Variants in PTPN21 observed in about 807,000 individuals in gnomAD.
PTPN21 encodes tyrosine-protein phosphatase non-receptor type 21.
PTPN21 carries 77 observed loss-of-function variants against 131.8 expected under a neutral mutation model. That is an observed-to-expected ratio of 0.58 (90% CI 0.49 to 0.71). The LOEUF (loss-of-function observed/expected upper bound fraction) is 0.71. Among genes scored for constraint, PTPN21 ranks in the 30% least tolerant of loss-of-function variants. The probability of loss-of-function intolerance (pLI) is 0.00; values close to 1 mark genes in which losing one functional copy is unlikely to be tolerated. For missense variants in PTPN21, 1,552 were observed against 1,527.1 expected (o/e 1.02, Z -0.27); for synonymous variants, 715 against 621.3 (o/e 1.15, Z -2.24).
chr14:88,542,503 A>G (rs530177417), intron 2 of PTPN21, among the ~76,000 whole-genome samples: 37 of 152,310 alleles, frequency 2.4e-4, no homozygotes, highest in African/African-American at 8.2e-4. Flanking sequence ...ATCTCAAGGG[A>G]AAAATCCAAT....
Position 88,469,109 on chromosome 14 carries a change from A to G in PTPN21, c.3236-33T>C, listed in dbSNP as rs1354073754. 6.3e-7 allele frequency: 1 copy of G among 1,590,280 alleles called. No individual in the cohort carries two copies. Among genetic ancestry groups the G allele is most frequent in the Admixed American group, 1.7e-5 (1 of 58,952 alleles). On this transcript the variant is annotated intron_variant, in intron 17 of 18. Transcript: ENST00000556564. The surrounding 1 kb of genome is among the most constrained non-coding windows in gnomAD (Gnocchi z 4.3). Reference sequence around the variant, plus strand: ...AAATCAATGAAATAGAAAAGTACTCAAGGATCAAGGCGTATCACATTGTTG... The same window carrying G: ...AAATCAATGAAATAGAAAAGTACTCGAGGATCAAGGCGTATCACATTGTTG...
chr14:88,552,766 C>T (rs1053337816), intron 1 of PTPN21, among the ~76,000 whole-genome samples: 1 of 152,066 alleles, frequency 6.6e-6, no homozygotes, highest in African/African-American at 2.4e-5. Flanking sequence ...TTTGCTGTTT[C>T]AGGGGTATAA....
chr14:88,505,567 A>G (rs2078075485), intron 4 of PTPN21, among the ~76,000 whole-genome samples, 196 bp from the exon 5 acceptor site: 4 of 152,200 alleles, frequency 2.6e-5, no homozygotes, highest in Admixed American at 1.3e-4. Flanking sequence ...CTTGGCTTGG[A>G]AAAATGCCTA....
chr14:88,539,958 C>T (rs1403598089), intron 2 of PTPN21, among the ~76,000 whole-genome samples: 6 of 152,124 alleles, frequency 3.9e-5, no homozygotes, highest in Non-Finnish European at 8.8e-5. Flanking sequence ...ATGCAAGTGT[C>T]TACATATTAT....
chr14:88,471,251 A>G (rs904668746), intron 15 of PTPN21, among the ~76,000 whole-genome samples: 10 of 152,100 alleles, frequency 6.6e-5, no homozygotes, highest in African/African-American at 1.9e-4. Flanking sequence ...AAAAACCACC[A>G]CCTGTCCACA....
Position 88,497,261 on chromosome 14 carries a change from T to G in PTPN21, c.794A>C (p.Asn265Thr), listed in dbSNP as rs751064910. 6.2e-7 allele frequency: 1 copy of G among 1,613,564 alleles called. No individual in the cohort carries two copies. The highest frequency in any genetic ancestry group is 8.5e-7 in the Non-Finnish European group (1 of 1,179,590). Residue 265 changes from asparagine (N) to threonine (T), a missense_variant, in exon 9 of 19, where the codon AAC (asparagine) becomes ACC (threonine). This residue lies in a region of PTPN21 where 1,016 missense variants were observed against 883.5 expected (regional missense o/e 1.15). Transcript: ENST00000556564. ...RWHDIANMSHNKSFFALELAN... is the reference protein window; with the variant it reads ...RWHDIANMSHTKSFFALELAN... ...CAGCTCTAATGCAAAAAAGGACTTG[T>G]TGTGGGACATGTTGGCAATGTCATG...
At chr14:88,532,211 A>C (rs1481960637) in intron 2 of PTPN21, among the ~76,000 whole-genome samples, 1 of 152,234 alleles carries the variant, frequency 6.6e-6, no homozygotes, top group African/African-American at 2.4e-5. Context: ...AATCCTACTG[A>C]AACTATTCCA....
intron 2 of PTPN21, among the ~76,000 whole-genome samples, chr14:88,539,397 G>C (rs929243068): frequency 1.2e-4 from 18 of 151,948 alleles, no homozygotes; most frequent in Non-Finnish European, 2.9e-5. Context: ...TTACAGGCAT[G>C]CACCACCATG....
chr14:88,531,747 C>G (rs1238243375), intron 2 of PTPN21, among the ~76,000 whole-genome samples: 1 of 151,744 alleles, frequency 6.6e-6, no homozygotes, highest in African/African-American at 2.4e-5. Context: ...CCAAACCCAG[C>G]AGAAAAAAAG....
intron 2 of PTPN21, among the ~76,000 whole-genome samples, chr14:88,542,716 T>C (rs540534756): frequency 6.6e-6 from 1 of 152,230 alleles, no homozygotes; most frequent in Non-Finnish European, 1.5e-5. Flanking sequence ...CTTAATTACC[T>C]AGACCAAAGA....
chr14:88,505,574 C>T (rs1423040913), intron 4 of PTPN21, among the ~76,000 whole-genome samples: 4 of 151,918 alleles, frequency 2.6e-5, no homozygotes, highest in Admixed American at 2.6e-4. Context: ...TGGAAAAATG[C>T]CTATGAATTA....
rs1355185221 is a variant in PTPN21, at chr14:88,517,088, T to G, written c.350+4A>C. 1 of 1,612,924 alleles carries G rather than the reference T, an allele frequency of 6.2e-7. No homozygotes were observed. The highest frequency in any genetic ancestry group is 1.7e-5 in the Admixed American group (1 of 59,958). ...CTAAAAACAAACGGCATGTAATTTC[T>G]CACCTGGTAATCTCCTGCTGCAGCT... On this transcript the variant is annotated splice_donor_region_variant and intron_variant, in intron 3 of 18. Coordinates refer to ENST00000556564, the MANE Select transcript of PTPN21 (RefSeq NM_007039.4).
intron 6 of PTPN21, among the ~76,000 whole-genome samples, chr14:88,504,169 C>T (rs1046046133): frequency 6.6e-6 from 1 of 152,142 alleles, no homozygotes; most frequent in African/African-American, 2.4e-5. Context: ...TGGCTGCTTT[C>T]AACTTCCTCA....
intron 13 of PTPN21, among the ~76,000 whole-genome samples, chr14:88,476,390 G>GGGGTCCTCTCATTTACAAATGTAAAAACT (rs1432131339): frequency 1.3e-5 from 2 of 152,044 alleles, no homozygotes; most frequent in Admixed American, 6.5e-5. Flanking sequence ...ACAACTCTCT[G>GGGGTCCTCTCATTTACAAATGTAAAAACT]GGGTCCTCTC....
chr14:88,542,489 T>C (rs1488765191), intron 2 of PTPN21, among the ~76,000 whole-genome samples: 1 of 152,178 alleles, frequency 6.6e-6, no homozygotes, highest in Non-Finnish European at 1.5e-5. Flanking sequence ...TAAGGACATC[T>C]GGTATCTCAA....
chr14:88,548,069 A>G (rs2078808339), intron 2 of PTPN21, among the ~76,000 whole-genome samples: 1 of 152,090 alleles, frequency 6.6e-6, no homozygotes, highest in South Asian at 2.1e-4. Flanking sequence ...GAAAACCTGA[A>G]TATCAACCAG....
At chr14:88,528,029 C>CAGTTTATATGTTTT (rs2078505193) in intron 2 of PTPN21, among the ~76,000 whole-genome samples, 1 of 152,064 alleles carries the variant, frequency 6.6e-6, no homozygotes, top group African/African-American at 2.4e-5. Flanking sequence ...ATACCAGTAC[C>CAGTTTATATGTTTT]ATGCTGTTTT....
intron 10 of PTPN21, among the ~76,000 whole-genome samples, chr14:88,486,494 C>T (rs1352423286): frequency 2.0e-5 from 3 of 152,128 alleles, no homozygotes; most frequent in Non-Finnish European, 4.4e-5. Flanking sequence ...GCCTAGACAA[C>T]ATAGTGAGAC....
intron 14 of PTPN21, 58 bp downstream of exon 14, chr14:88,473,607 C>T (rs1020808811): frequency 1.4e-5 from 21 of 1,551,688 alleles, no homozygotes; most frequent in Non-Finnish European, 1.7e-5. Flanking sequence ...AAGGCATTTG[C>T]GTAGTATTTA....
Sources: gnomAD v4.1 joint callset for allele counts (sites outside exome capture counted in the v4.1 genomes callset) on GRCh38, gnomAD v4.1.1 for gene constraint, gnomAD v4.1.1 regional missense constraint, Gnocchi (gnomAD v3.1) non-coding constraint, MANE v1.5 for transcripts, NCBI Gene and HGNC (gene_info 2026-07-23, HGNC 2026-07-21) for gene names.